Variants in IL23R observed in about 807,000 individuals in gnomAD.
IL23R encodes interleukin-23 receptor.
IL23R carries 34 observed loss-of-function variants against 56.9 expected under a neutral mutation model. The ratio of observed to expected loss-of-function variants is 0.60; its 90% CI spans 0.45 to 0.80. IL23R has a LOEUF of 0.80. Ranked by LOEUF, IL23R falls within the 30% of genes least tolerant of loss-of-function variation. The pLI, the probability that IL23R is intolerant of heterozygous loss-of-function variation, is 0.00. For missense variants in IL23R, 635 were observed against 730.0 expected, an observed-to-expected ratio of 0.87 and a Z score of 1.50; for synonymous variants, 230 against 249.2, an observed-to-expected ratio of 0.92 and a Z score of 0.73.
chr1:67,258,335 A>G (rs1653061697), intron 10 of IL23R, 143 bp from the exon 11 acceptor site: 2 of 561,338 alleles, frequency 3.6e-6, no homozygotes, highest in South Asian at 6.5e-5. Flanking sequence ...AAAAGGAGGA[A>G]ATCATATGGG....
chr1:67,219,654 A>G lies in IL23R; in HGVS notation c.879A>G (p.Gln293=). ...YLEPNIKYVF[Q]VRCQETGKRY... ...AGCCAAACATTAAGTACGTATTTCA[A>G]GTGAGATGTCAAGAAACAGGCAAAA... is the stretch of plus-strand genomic sequence containing the variant. Residue 293 remains glutamine (Q), a synonymous_variant, in exon 7 of 11, where the codon CAA becomes CAG. Transcript: ENST00000347310. 5 of 1,614,082 alleles carry G rather than the reference A, an allele frequency of 3.1e-6. No homozygotes were observed. Among genetic ancestry groups the G allele is most frequent in the Non-Finnish European group, 4.2e-6 (5 of 1,179,904 alleles).
intron 9 of IL23R, among the ~76,000 whole-genome samples, chr1:67,244,040 T>G (rs1285268647): frequency 1.3e-5 from 2 of 152,226 alleles, no homozygotes; most frequent in African/African-American, 4.8e-5. Context: ...TGGTTTTGAT[T>G]TGCATTTCTC....
rs137897255 is a variant in IL23R, at chr1:67,174,508, G to C, written c.367+4870G>C. The stretch of plus-strand genomic sequence containing the variant: ...TAAATCTTTGGATGTAACTTCAGAC[G>C]CATAAATGTCTGTATTTTCATTCTT... On this transcript the variant is annotated intron_variant, in intron 3 of 10. Transcript: ENST00000347310. Among the ~76,000 whole-genome samples the C allele has an allele frequency of 9.0e-3, 1,369 of 151,958 alleles. 8 individuals carry two copies. Among genetic ancestry groups the C allele is most frequent in the Middle Eastern group, 0.027 (8 of 294 alleles).
At chr1:67,198,160 G>T (rs1648312693) in intron 4 of IL23R, among the ~76,000 whole-genome samples, 1 of 152,176 alleles carries the variant, frequency 6.6e-6, no homozygotes, top group African/African-American at 2.4e-5. Context: ...AGCCATTCAT[G>T]AAGGGTCTGC....
chr1:67,228,427 G>A (rs1412123443), intron 7 of IL23R, among the ~76,000 whole-genome samples: 1 of 128,312 alleles, frequency 7.8e-6, no homozygotes, highest in Non-Finnish European at 1.6e-5. Context: ...TGAACTCCTG[G>A]ACTCAAGAAC....
At chr1:67,159,661 G>C (rs1048907092) in intron 1 of IL23R, among the ~76,000 whole-genome samples, 2 of 152,216 alleles carry the variant, frequency 1.3e-5, no homozygotes, top group African/African-American at 4.8e-5. Context: ...GGGAGGCTGA[G>C]GCTGGAGGAT....
intron 6 of IL23R, among the ~76,000 whole-genome samples, chr1:67,218,927 T>C (rs201874879): frequency 8.1e-6 from 1 of 123,502 alleles, no homozygotes; most frequent in African/African-American, 2.9e-5. Flanking sequence ...GGACCCTATC[T>C]AGAAAAAAAA....
downstream of IL23R, among the ~76,000 whole-genome samples, chr1:67,261,181 C>T (rs1437217158): frequency 6.6e-6 from 1 of 151,364 alleles, no homozygotes; most frequent in Non-Finnish European, 1.5e-5. Flanking sequence ...TGGTTTCTGT[C>T]CATTGTCCTA....
Position 67,169,630 on chromosome 1 carries a change from C to T in IL23R, c.359C>T (p.Ser120Phe). Residue 120 changes from serine (S) to phenylalanine (F), a missense_variant, in exon 3 of 11, where the codon TCT (serine) becomes TTT (phenylalanine). Coordinates refer to ENST00000347310, the MANE Select transcript of IL23R (RefSeq NM_144701.3). ...QETLICGKDI[S>F]SGYPPDIPDE... ...ACACTGATATGTGGAAAAGACATTT[C>T]TTCTGGATGTAAGTGTTGGGGCACA... 1.2e-6 allele frequency: 2 copies of T among 1,613,924 alleles called. No individual in the cohort carries two copies. Among genetic ancestry groups the T allele is most frequent in the Non-Finnish European group, 1.7e-6 (2 of 1,179,834 alleles).
At chr1:67,148,830 G>C (rs1393790951) in intron 1 of IL23R, among the ~76,000 whole-genome samples, 6 of 152,042 alleles carry the variant, frequency 3.9e-5, no homozygotes, top group Non-Finnish European at 1.5e-5. Context: ...GTGTTAGAAC[G>C]GCTCTGAACC....
chr1:67,160,868 A>G (rs1570765165), intron 1 of IL23R, among the ~76,000 whole-genome samples: 1 of 152,164 alleles, frequency 6.6e-6, no homozygotes. Flanking sequence ...TCTATTCTTT[A>G]TCTGAAAAAT....
chr1:67,226,719 A>C (rs910641733), intron 7 of IL23R, among the ~76,000 whole-genome samples: 2 of 152,200 alleles, frequency 1.3e-5, no homozygotes, highest in Admixed American at 1.3e-4. Flanking sequence ...GACCTCTGCC[A>C]GGGAACCACC....
chr1:67,186,274 G>A (rs1353223810), intron 4 of IL23R, among the ~76,000 whole-genome samples: 1 of 152,186 alleles, frequency 6.6e-6, no homozygotes, highest in Non-Finnish European at 1.5e-5. Flanking sequence ...CCAGAACCTG[G>A]AAGGATCTCC....
At chr1:67,250,877 T>C (rs528334158) in intron 9 of IL23R, among the ~76,000 whole-genome samples, 9 of 152,278 alleles carry the variant, frequency 5.9e-5, no homozygotes, top group Admixed American at 2.0e-4. Context: ...AACATGCAGT[T>C]TCTGGGGTCT....
intron 8 of IL23R, 31 bp from the exon 9 acceptor site, chr1:67,240,148 G>C: frequency 7.2e-7 from 1 of 1,392,900 alleles, no homozygotes; most frequent in Non-Finnish European, 1.0e-6. Context: ...ACTAATGCTT[G>C]GTTAAAATTA....
At chr1:67,168,314 T>C (rs1312370373) in intron 2 of IL23R, 124 bp downstream of exon 2, 2 of 801,890 alleles carry the variant, frequency 2.5e-6, no homozygotes, top group East Asian at 2.5e-5. Flanking sequence ...CTAGAAAAAA[T>C]GTGTGCATAA....
downstream of IL23R, among the ~76,000 whole-genome samples, chr1:67,260,941 A>G (rs1406555636): frequency 6.6e-6 from 1 of 152,164 alleles, no homozygotes; most frequent in Non-Finnish European, 1.5e-5. Flanking sequence ...TTACACACTG[A>G]ATTTCTTTTT....
rs975436393 is a variant in IL23R, at chr1:67,167,594, C to T, written c.-29-498C>T. Among the ~76,000 whole-genome samples, 17 of 152,140 alleles carry T rather than the reference C, an allele frequency of 1.1e-4. 1 individual carries two copies. The highest frequency in any genetic ancestry group is 3.9e-4 in the African/African-American group (16 of 41,440). On this transcript the variant is annotated intron_variant, in intron 1 of 10. Coordinates refer to ENST00000347310, the MANE Select transcript of IL23R (RefSeq NM_144701.3). ...TTAGCTCAGCCCAGGCACCATGGTT[C>T]ATGCCTGTAATCCTAGCACTTTGGG...
chr1:67,179,013 G>T (rs1023945528), intron 3 of IL23R, among the ~76,000 whole-genome samples: 4 of 152,152 alleles, frequency 2.6e-5, no homozygotes, highest in Admixed American at 6.5e-5. Context: ...GTTGGATTCG[G>T]TTTGCCAGTA....
Sources: gnomAD v4.1 joint callset for allele counts (sites outside exome capture counted in the v4.1 genomes callset) on GRCh38, gnomAD v4.1.1 for gene constraint, MANE v1.5 for transcripts, NCBI Gene and HGNC (gene_info 2026-07-23, HGNC 2026-07-21) for gene names.